The following TTI2 variants were observed in gnomAD, a reference collection of about 807,000 sequenced individuals.
The protein encoded by TTI2 is TELO2-interacting protein 2.
In TTI2, 26 loss-of-function variants were observed where a neutral mutation model predicts 44.9. The ratio of observed to expected loss-of-function variants is 0.58; its 90% CI spans 0.42 to 0.80. The LOEUF is 0.80. TTI2 is among the 30% of genes least tolerant of loss of function. The pLI, the probability that TTI2 is intolerant of heterozygous loss-of-function variation, is 0.00. For missense variants in TTI2, 582 were observed against 611.6 expected (o/e 0.95, Z 0.51); for synonymous variants, 254 against 250.9 (o/e 1.01, Z -0.12).
Position 33,512,741 on chromosome 8 carries a change from A to G in TTI2, c.-99-29T>C. 4 of 1,126,252 alleles carry G rather than the reference A, an allele frequency of 3.6e-6. No individual in the cohort carries two copies. In the South Asian group the frequency reaches 6.0e-5, roughly 17 times the overall value. 69.8% of individuals were successfully genotyped at this position (1,126,252 alleles called of 1,614,324 possible). On this transcript the variant is annotated intron_variant, in intron 1 of 7. Transcript: ENST00000431156. ...AAATCAAATAAAATAAAACAGAGAGATGTCTTGGAGGAGGGGGCGAGTCTG... is the reference window on the plus strand; with the variant it reads ...AAATCAAATAAAATAAAACAGAGAGGTGTCTTGGAGGAGGGGGCGAGTCTG...
chr8:33,503,639 AG>A, intron 5 of TTI2, 67 bp from the exon 6 acceptor site: 1 of 1,609,490 alleles, frequency 6.2e-7, no homozygotes, highest in Non-Finnish European at 8.5e-7. Flanking sequence ...GTACTTTGGG[AG>A]GCTGAGGTGG....
chr8:33,509,100 A>G (rs1299585311), intron 3 of TTI2, among the ~76,000 whole-genome samples: 1 of 141,440 alleles, frequency 7.1e-6, no homozygotes, highest in Non-Finnish European at 1.5e-5. Context: ...CCAAGATCAC[A>G]CTCCAGCCCA....
chr8:33,509,375 A>C (rs1809429860), intron 3 of TTI2, among the ~76,000 whole-genome samples: 1 of 149,186 alleles, frequency 6.7e-6, no homozygotes, highest in Admixed American at 6.8e-5. Context: ...AGAATTGCTT[A>C]AACCTAAGAG....
intron 6 of TTI2, 75 bp from the exon 7 acceptor site, chr8:33,500,565 C>T: frequency 6.4e-7 from 1 of 1,555,428 alleles, no homozygotes; most frequent in South Asian, 1.2e-5. Flanking sequence ...CAAAGACTGT[C>T]AAGTGGAAAG....
At chr8:33,499,360 T>C (rs1004446487) in intron 7 of TTI2, 83 bp from the exon 8 acceptor site, 1 of 1,004,730 alleles carries the variant, frequency 1.0e-6, no homozygotes, top group Admixed American at 1.9e-5. Flanking sequence ...TTCCTTGGTA[T>C]CATATTCAAA....
intron 6 of TTI2, among the ~76,000 whole-genome samples, chr8:33,501,970 G>A (rs962039085): frequency 2.6e-5 from 4 of 151,870 alleles, no homozygotes; most frequent in Non-Finnish European, 4.4e-5. Context: ...TTGAGACAGA[G>A]TCTCGCTCCG....
chr8:33,500,473 A>C lies in TTI2; in HGVS notation c.1277T>G (p.Val426Gly), dbSNP rs1307986000. The part of the protein sequence containing the change: ...HTWPRVSCRL[V>G]VLLKALLKLI... ...TTTCAAGAGGGCCTTCAGTAAGACC[A>C]CAAGTCTGCAGGAAACTCTGGAATC... Residue 426 changes from valine to glycine, a missense_variant, in exon 7 of 8, where the codon GTG becomes GGG. By Grantham distance (109) the Val-to-Gly change is moderately radical. Coordinates refer to ENST00000431156, the MANE Select transcript of TTI2 (RefSeq NM_001102401.4). The C allele has an allele frequency of 1.9e-6, 3 of 1,614,018 alleles. No homozygotes were observed. Among genetic ancestry groups the C allele is most frequent in the South Asian group, 1.1e-5 (1 of 91,088 alleles).
rs1264044372 is a variant in TTI2 at position 33,512,522 on chromosome 8, GAGA to G, written c.89_91del (p.Phe30del). On this transcript the variant is annotated inframe_deletion, in exon 2 of 8. Transcript: ENST00000431156. Reference sequence around the variant, plus strand: ...GCGGGCAAGACAGTGTAAAATCTTGGAGAAGGCCTGTCCAAAGGCGGAGTGAGA... The same window carrying G: ...GCGGGCAAGACAGTGTAAAATCTTGGAGGCCTGTCCAAAGGCGGAGTGAGA... 2 of 1,613,962 alleles carry G rather than the reference GAGA, an allele frequency of 1.2e-6. No homozygotes were observed. Among genetic ancestry groups the G allele is most frequent in the Non-Finnish European group, 1.7e-6 (2 of 1,180,038 alleles).
chr8:33,503,641 G>A, intron 5 of TTI2, 69 bp from the exon 6 acceptor site: 1 of 1,606,324 alleles, frequency 6.2e-7, no homozygotes, highest in Non-Finnish European at 8.5e-7. Context: ...ACTTTGGGAG[G>A]CTGAGGTGGG....
rs1808943816 is a variant in TTI2, at chr8:33,498,753, GT to G, written c.*419del. 2.4e-6 allele frequency: 2 copies of G among 835,300 alleles called. No homozygotes were observed. Among genetic ancestry groups the G allele is most frequent in the Admixed American group, 3.0e-5 (1 of 33,736 alleles). 51.7% of individuals were successfully genotyped at this position (835,300 alleles called of 1,614,324 possible). A position where few individuals can be genotyped will look rare whatever the true frequency, so the allele number is the denominator to read the frequency against. On this transcript the variant is annotated 3_prime_UTR_variant, in exon 8 of 8. Coordinates refer to ENST00000431156, the MANE Select transcript of TTI2 (RefSeq NM_001102401.4). ...GTGTTGTACTGAACACAATATTTGT[GT>G]TTTTATTATTTATGCCACGTCAGTG... is the stretch of plus-strand genomic sequence containing the variant.
chr8:33,512,933 G>A (rs921548704), intron 1 of TTI2, 149 bp downstream of exon 1: 8 of 224,210 alleles, frequency 3.6e-5, no homozygotes, highest in African/African-American at 1.8e-4. Flanking sequence ...AGGGAAAGGG[G>A]ACTCTCAGGG....
At chr8:33,509,665 T>C in intron 3 of TTI2, 81 bp downstream of exon 3, 1 of 1,365,700 alleles carries the variant, frequency 7.3e-7, no homozygotes, top group Non-Finnish European at 1.0e-6. Flanking sequence ...TTGAATGACT[T>C]AGCATTACTA....
intron 3 of TTI2, among the ~76,000 whole-genome samples, chr8:33,508,087 TAAAAAAAAAAAAAA>T (rs58891946): frequency 0.02 from 398 of 19,530 alleles, 5 homozygotes; most frequent in African/African-American, 0.074. Flanking sequence ...CTAGCGGTAG[TAAAAAAAAAAAAAA>T]AAAAAAAAAA....
intron 3 of TTI2, among the ~76,000 whole-genome samples, chr8:33,508,137 T>C (rs1809374997): frequency 7.3e-6 from 1 of 137,120 alleles, no homozygotes; most frequent in Non-Finnish European, 1.6e-5. Context: ...AATTTATCAT[T>C]CTTAGTCTAA....
At chr8:33,504,489 A>C (rs1227754060) in intron 4 of TTI2, among the ~76,000 whole-genome samples, 1 of 151,528 alleles carries the variant, frequency 6.6e-6, no homozygotes, top group Non-Finnish European at 1.5e-5. Context: ...GTAGAGACAA[A>C]GTTTCACCAT....
chr8:33,500,557 A>C, intron 6 of TTI2, 67 bp from the exon 7 acceptor site: 10 of 1,574,964 alleles, frequency 6.3e-6, no homozygotes, highest in Non-Finnish European at 7.8e-6. Context: ...AGAGACTTCA[A>C]AGACTGTCAA....
intron 4 of TTI2, among the ~76,000 whole-genome samples, chr8:33,506,156 A>G (rs1343285616): frequency 6.6e-6 from 1 of 152,194 alleles, no homozygotes; most frequent in Non-Finnish European, 1.5e-5. Flanking sequence ...GTAGACATCT[A>G]AGTACATATT....
chr8:33,512,487 G>T lies in TTI2; in HGVS notation c.127C>A (p.Arg43=), dbSNP rs560157320. 2.2e-4 allele frequency: 357 copies of T among 1,614,024 alleles called. 2 individuals are homozygous for T. The African/African-American group carries it at 4.4e-3, about 20-fold the overall frequency. ...ACTGCATCTTTTACATTGCCTCGTC[G>T]TGCCTCCGGGCGGGCAAGACAGTGT... ...ILHCLARPEA[R]RGNVKDAVLK... is the part of the protein sequence containing the mutation. The change falls in exon 2 of 8, where the codon CGA becomes AGA. Residue 43 remains arginine, a synonymous_variant. Transcript: ENST00000431156.
At chr8:33,503,128 CAAA>C (rs397973510) in intron 6 of TTI2, among the ~76,000 whole-genome samples, 3 of 47,282 alleles carry the variant, frequency 6.3e-5, no homozygotes, top group Non-Finnish European at 5.6e-5. Context: ...GACTCCATTT[CAAA>C]AAAAAAAAAA....
Sources: gnomAD v4.1 joint callset for allele counts (sites outside exome capture counted in the v4.1 genomes callset) on GRCh38, gnomAD v4.1.1 for gene constraint, MANE v1.5 for transcripts, NCBI Gene and HGNC (gene_info 2026-07-23, HGNC 2026-07-21) for gene names.